KCTD20: variants seen among roughly 807,000 people sequenced by gnomAD.
KCTD20 encodes potassium channel tetramerization domain containing 20.
In KCTD20, 30 loss-of-function variants were observed where a neutral mutation model predicts 39.6. The ratio of observed to expected loss-of-function variants is 0.76; its 90% CI spans 0.57 to 1.03. KCTD20 has a LOEUF of 1.03. KCTD20 is among the 50% of genes least tolerant of loss of function. The probability of loss-of-function intolerance (pLI) is 0.00; values close to 1 mark genes in which losing one functional copy is unlikely to be tolerated. For synonymous variants in KCTD20, 162 were observed against 180.6 expected (o/e 0.90, Z 0.83); for missense variants, 422 against 522.0 (o/e 0.81, Z 1.87).
chr6:36,443,564 G>A (rs1933649228), intron 1 of KCTD20: 1 of 152,152 alleles, frequency 6.6e-6, no homozygotes, highest in Admixed American at 6.5e-5. Context: ...GAACTCTGGA[G>A]CCGAGCGCAT....
chr6:36,452,073 A>G (rs1482711675), intron 1 of KCTD20, among the ~76,000 whole-genome samples: 19 of 152,198 alleles, frequency 1.2e-4, no homozygotes, highest in Admixed American at 3.9e-4. Context: ...GGCCTCCCAA[A>G]GTGCTGGGAT....
intron 5 of KCTD20, among the ~76,000 whole-genome samples, chr6:36,480,975 A>C (rs940824904): frequency 6.6e-6 from 1 of 152,224 alleles, no homozygotes; most frequent in Non-Finnish European, 1.5e-5. Flanking sequence ...AGCTCTAGGC[A>C]TTAAGGCCAG....
rs1388288835 is a variant in KCTD20 at position 36,474,804 on chromosome 6, A to G, written c.176A>G (p.Tyr59Cys). ...GTTCTTTTAGACCTCTCACTTGACT[A>G]TGCCTCTCAGCCAGCAAATCTTCAG... is the stretch of plus-strand genomic sequence containing the variant. Reference protein sequence around the residue: ...GPRNEDLSLDYASQPANLQFP... With the variant: ...GPRNEDLSLDCASQPANLQFP... The change falls in exon 3 of 8, where the codon TAT (tyrosine) becomes TGT (cysteine). Residue 59 changes from tyrosine to cysteine, a missense_variant. Transcript: ENST00000373731. 3.1e-6 allele frequency: 5 copies of G among 1,609,936 alleles called. No homozygotes were observed. Among genetic ancestry groups the G allele is most frequent in the Non-Finnish European group, 4.2e-6 (5 of 1,177,228 alleles).
At chr6:36,479,028 T>C in intron 3 of KCTD20, 93 bp from the exon 4 acceptor site, 2 of 813,048 alleles carry the variant, frequency 2.5e-6, no homozygotes, top group Non-Finnish European at 4.2e-6. Context: ...GAGAGTGGGA[T>C]GGAGTCTTCC....
At chr6:36,483,594 A>C (rs1776329057) in intron 6 of KCTD20, among the ~76,000 whole-genome samples, 1 of 152,142 alleles carries the variant, frequency 6.6e-6, no homozygotes, top group Admixed American at 6.5e-5. Context: ...GGCTCACTGC[A>C]GCCTCAAACT....
At chr6:36,458,494 G>T (rs9767243) in intron 1 of KCTD20, among the ~76,000 whole-genome samples, 37,961 of 145,806 alleles carry the variant, frequency 0.26, 5,486 homozygotes, top group African/African-American at 0.39. Context: ...TGAGCCAAGA[G>T]CGTGCTACTG....
At chr6:36,451,192 G>T (rs948240603) in intron 1 of KCTD20, 1 of 152,152 alleles carries the variant, frequency 6.6e-6, no homozygotes, top group African/African-American at 2.4e-5. Context: ...CTACAATAGT[G>T]TGCCATGGAA....
intron 7 of KCTD20, among the ~76,000 whole-genome samples, chr6:36,485,556 C>T (rs925716337): frequency 4.1e-5 from 6 of 146,634 alleles, no homozygotes; most frequent in African/African-American, 1.3e-4. Context: ...TGCGGTGGCA[C>T]GATCTCAGCT....
intron 1 of KCTD20, among the ~76,000 whole-genome samples, chr6:36,446,468 C>T (rs1775050836): frequency 6.6e-6 from 1 of 152,106 alleles, no homozygotes; most frequent in Non-Finnish European, 1.5e-5. Flanking sequence ...CCTTATCAAA[C>T]TTATTAGGTA....
intron 5 of KCTD20, among the ~76,000 whole-genome samples, chr6:36,480,699 C>T (rs1188021334): frequency 2.6e-5 from 4 of 152,078 alleles, no homozygotes; most frequent in Middle Eastern, 3.2e-3. Flanking sequence ...ATTACGGGCA[C>T]GTGCCACCAT....
intron 1 of KCTD20, among the ~76,000 whole-genome samples, chr6:36,457,589 C>T (rs1775477114): frequency 6.6e-6 from 1 of 152,098 alleles, no homozygotes; most frequent in Non-Finnish European, 1.5e-5. Flanking sequence ...TTGTGCATAC[C>T]TGTAATACCA....
At chr6:36,452,099 A>G (rs895718660) in intron 1 of KCTD20, among the ~76,000 whole-genome samples, 1 of 152,070 alleles carries the variant, frequency 6.6e-6, no homozygotes, top group Admixed American at 6.6e-5. Flanking sequence ...GTGTGAGTCA[A>G]TGTGCCTGGC....
chr6:36,483,862 G>GT (rs2127456804), intron 6 of KCTD20, among the ~76,000 whole-genome samples: 1 of 150,422 alleles, frequency 6.6e-6, no homozygotes, highest in African/African-American at 2.4e-5. Flanking sequence ...TACTTTCTTA[G>GT]TAAGTAAAAA....
At chr6:36,478,938 T>C (rs1259080340) in intron 3 of KCTD20, among the ~76,000 whole-genome samples, 183 bp from the exon 4 acceptor site, 1 of 152,228 alleles carries the variant, frequency 6.6e-6, no homozygotes, top group Non-Finnish European at 1.5e-5. Flanking sequence ...CTTTTTTTCC[T>C]GTCTGAAGGG....
intron 2 of KCTD20, among the ~76,000 whole-genome samples, chr6:36,472,532 T>C (rs1451404141): frequency 6.9e-6 from 1 of 144,230 alleles, no homozygotes; most frequent in Non-Finnish European, 1.5e-5. Context: ...TTCAGTTGTA[T>C]TGATAACTTT....
intron 1 of KCTD20, among the ~76,000 whole-genome samples, chr6:36,450,588 C>T (rs976003442): frequency 2.0e-5 from 3 of 152,100 alleles, no homozygotes; most frequent in African/African-American, 4.8e-5. Flanking sequence ...TTCTTTTTCA[C>T]GTGACTGGCT....
At chr6:36,448,403 C>T (rs1775123889) in intron 1 of KCTD20, among the ~76,000 whole-genome samples, 1 of 152,288 alleles carries the variant, frequency 6.6e-6, no homozygotes, top group East Asian at 1.9e-4. Flanking sequence ...CAGGTAGTAA[C>T]TTACACCTCT....
At chr6:36,484,182 T>C (rs1776349231) in intron 6 of KCTD20, among the ~76,000 whole-genome samples, 1 of 152,120 alleles carries the variant, frequency 6.6e-6, no homozygotes, top group African/African-American at 2.4e-5. Flanking sequence ...CTGATCTGCC[T>C]GCCTCGGCCT....
At chr6:36,448,017 A>ATGTG (rs760236122) in intron 1 of KCTD20, among the ~76,000 whole-genome samples, 21 of 110,740 alleles carry the variant, frequency 1.9e-4, no homozygotes, top group East Asian at 1.1e-3. Context: ...GTGTGTGTGT[A>ATGTG]TATATATATA....
Sources: gnomAD v4.1 joint callset for allele counts (sites outside exome capture counted in the v4.1 genomes callset) on GRCh38, gnomAD v4.1.1 for gene constraint, MANE v1.5 for transcripts, NCBI Gene and HGNC (gene_info 2026-07-23, HGNC 2026-07-21) for gene names.